ROCK2: variants seen among roughly 807,000 people sequenced by gnomAD.
The protein encoded by ROCK2 is rho-associated protein kinase 2.
A neutral mutation model predicts 195.1 loss-of-function variants in ROCK2; 61 were observed. The ratio of observed to expected loss-of-function variants is 0.31; its 90% confidence interval spans 0.25 to 0.39. ROCK2 has a LOEUF of 0.39. Ranked by LOEUF, ROCK2 falls within the 10% of genes least tolerant of loss-of-function variation. The pLI is 1.00. For missense variants in ROCK2, 1,109 were observed against 1,637.4 expected (o/e 0.68, Z 5.57); for synonymous variants, 504 against 545.5 (o/e 0.92, Z 1.06).
rs538136203 is a variant in ROCK2 at position 11,275,430 on chromosome 2, G to A, written c.324+11109C>T. 2.0e-5 allele frequency among the ~76,000 whole-genome samples: 3 copies of A among 152,260 alleles called. No homozygotes were observed. The South Asian group carries it at 6.2e-4, about 32-fold the overall frequency. On this transcript the variant is annotated intron_variant, in intron 3 of 32. Coordinates refer to ENST00000315872, the MANE Select transcript of ROCK2 (RefSeq NM_004850.5). ...GAAAGCAAAACTACAGGTAAGGGCA[G>A]GTGACTGTACGAGAAAACAACTATC...
chr2:11,300,230 T>C (rs1667662127), intron 1 of ROCK2, among the ~76,000 whole-genome samples: 1 of 152,170 alleles, frequency 6.6e-6, no homozygotes, highest in Admixed American at 6.5e-5. Flanking sequence ...TAATAATTTA[T>C]CAACCAATTT....
chr2:11,283,582 A>AAAAGAAAGAAAG (rs1667088915), intron 3 of ROCK2, among the ~76,000 whole-genome samples: 1 of 15,164 alleles, frequency 6.6e-5, no homozygotes. Flanking sequence ...AAAAAAAAAA[A>AAAAGAAAGAAAG]AAAGCAAGAA....
At chr2:11,231,649 T>A (rs886873927) in intron 5 of ROCK2, among the ~76,000 whole-genome samples, 2 of 152,154 alleles carry the variant, frequency 1.3e-5, no homozygotes, top group African/African-American at 4.8e-5. Flanking sequence ...CATATAAATA[T>A]CTTACAATGT....
intron 3 of ROCK2, among the ~76,000 whole-genome samples, chr2:11,262,242 TG>T (rs1666252942): frequency 6.6e-6 from 1 of 151,930 alleles, no homozygotes; most frequent in Admixed American, 6.6e-5. Context: ...GCTATACATA[TG>T]AAAAAAAACA....
chr2:11,283,942 C>T (rs1667103572), intron 3 of ROCK2, among the ~76,000 whole-genome samples: 1 of 152,178 alleles, frequency 6.6e-6, no homozygotes, highest in Non-Finnish European at 1.5e-5. Context: ...TTTATGTCTA[C>T]ACAAAAGCCT....
chr2:11,209,683 T>G (rs1664181584), intron 18 of ROCK2, among the ~76,000 whole-genome samples: 1 of 152,220 alleles, frequency 6.6e-6, no homozygotes, highest in Non-Finnish European at 1.5e-5. Context: ...ATTATCTTGA[T>G]ATACTGGTTA....
At chr2:11,228,524 C>T (rs558084675) in intron 5 of ROCK2, among the ~76,000 whole-genome samples, 40 of 152,134 alleles carry the variant, frequency 2.6e-4, no homozygotes, top group Middle Eastern at 6.8e-3. Context: ...ATGGGAGTAA[C>T]ACTTTGTGTG....
chr2:11,226,191 C>T (rs1664805086), intron 6 of ROCK2, among the ~76,000 whole-genome samples: 1 of 152,152 alleles, frequency 6.6e-6, no homozygotes, highest in African/African-American at 2.4e-5. Flanking sequence ...ACCCTCATCC[C>T]CATGCCACGT....
At position 11,198,494 on chromosome 2, in the gene ROCK2, A is replaced by G. The variant is rs764629719; in HGVS notation, c.3096T>C (p.Thr1032=). The G allele has an allele frequency of 1.9e-6, 3 of 1,590,834 alleles. No homozygotes were observed. The South Asian group carries it at 3.3e-5, about 18-fold the overall frequency. Residue 1032 remains threonine (T), a synonymous_variant, in exon 25 of 33, where the codon ACT becomes ACC. Coordinates refer to ENST00000315872, the MANE Select transcript of ROCK2 (RefSeq NM_004850.5). Reference sequence around the variant, plus strand: ...ATTTAGATTCTATTATACATACTTGAGTTTTGAGTGTTCTTTCTGTTAATA... The same window carrying G: ...ATTTAGATTCTATTATACATACTTGGGTTTTGAGTGTTCTTTCTGTTAATA... ...KQLLTERTLK[T]QAVNKLAEIM... is the part of the protein sequence containing the mutation.
At chr2:11,236,006 C>A (rs1415932262) in intron 4 of ROCK2, 44 bp from the exon 5 acceptor site, 2 of 1,433,540 alleles carry the variant, frequency 1.4e-6, no homozygotes, top group South Asian at 1.7e-5. Flanking sequence ...AAACCCAAAC[C>A]AAAAATCATA....
At chr2:11,227,936 G>A (rs1300777165) in intron 5 of ROCK2, among the ~76,000 whole-genome samples, 17 of 152,128 alleles carry the variant, frequency 1.1e-4, no homozygotes, top group Admixed American at 1.1e-3. Flanking sequence ...AAGTGTGAAA[G>A]CTATACTTCC....
chr2:11,345,017 G>C (rs1669256767), upstream of ROCK2, among the ~76,000 whole-genome samples: 1 of 150,394 alleles, frequency 6.6e-6, no homozygotes, highest in Non-Finnish European at 1.5e-5. Context: ...GCGCTGGGGG[G>C]GAGCCCGGCC....
At chr2:11,239,421 G>A (rs1665345625) in intron 4 of ROCK2, among the ~76,000 whole-genome samples, 1 of 152,130 alleles carries the variant, frequency 6.6e-6, no homozygotes, top group Non-Finnish European at 1.5e-5. Flanking sequence ...GTTAAGTGTT[G>A]ATGAGAATGC....
rs142442858 is a variant in ROCK2 at position 11,191,933 on chromosome 2, T to C, written c.4163+215A>G. Among the ~76,000 whole-genome samples the C allele has an allele frequency of 2.9e-3, 442 of 152,308 alleles. 1 individual carries two copies. Among genetic ancestry groups the C allele is most frequent in the African/African-American group, 4.7e-3 (197 of 41,574 alleles). On this transcript the variant is annotated intron_variant, in intron 32 of 32. Coordinates refer to ENST00000315872, the MANE Select transcript of ROCK2 (RefSeq NM_004850.5). ...TTTAAAGATTTTTGGTTGAATTTAC[T>C]GTATGTGTGTGATTTAGTAAGTAAG... is the stretch of plus-strand genomic sequence containing the variant.
intron 27 of ROCK2, among the ~76,000 whole-genome samples, chr2:11,196,846 G>T (rs1329715362): frequency 2.0e-5 from 3 of 152,188 alleles, no homozygotes; most frequent in Non-Finnish European, 4.4e-5. Context: ...TCCATAGTGT[G>T]TGACTGAGTG....
At position 11,197,212 on chromosome 2, in the gene ROCK2, G is replaced by A; in HGVS notation, c.3416C>T (p.Pro1139Leu). The change falls in exon 27 of 33, where the codon CCA becomes CTA. Residue 1139 changes from proline to leucine, a missense_variant. By Grantham distance (98) the Pro-to-Leu change is moderately conservative (BLOSUM62 -3). Transcript: ENST00000315872. This position sits in a 1 kb window ranked among gnomAD's most constrained non-coding sequence, Gnocchi z 4.9. ...GLDSSSIGSG[P>L]GDAEADDGFP... ...CCCATCATCTGCCTCAGCATCCCCT[G>A]GTCCACTGCCTATACTGGAACTATC... 1 of 1,609,592 alleles carries A rather than the reference G, an allele frequency of 6.2e-7. No homozygotes were observed. The highest frequency in any genetic ancestry group is 8.5e-7 in the Non-Finnish European group (1 of 1,178,524).
chr2:11,304,798 A>G (rs1166132949), intron 1 of ROCK2, among the ~76,000 whole-genome samples: 1 of 152,110 alleles, frequency 6.6e-6, no homozygotes, highest in African/African-American at 2.4e-5. Context: ...CACAACCGGT[A>G]CCCTACACAA....
intron 3 of ROCK2, among the ~76,000 whole-genome samples, chr2:11,274,759 G>C (rs558918814): frequency 6.6e-6 from 1 of 152,140 alleles, no homozygotes; most frequent in Non-Finnish European, 1.5e-5. Context: ...CTCATTCTAT[G>C]AGGCCAGCAT....
rs1268941346 is a variant in ROCK2 at position 11,183,268 on chromosome 2, T to C, written c.*169A>G. On this transcript the variant is annotated 3_prime_UTR_variant, in exon 33 of 33. Coordinates refer to ENST00000315872, the MANE Select transcript of ROCK2 (RefSeq NM_004850.5). ...CCTGTTGCTTCAAAGGAGCCCAGAT[T>C]TGTAATTTATATTACAGGGAAAAGG... is the stretch of plus-strand genomic sequence containing the variant. The C allele has an allele frequency of 2.9e-4, 151 of 523,894 alleles. No individual in the cohort carries two copies. Among genetic ancestry groups the C allele is most frequent in the South Asian group, 9.4e-5 (3 of 31,946 alleles). 32.5% of individuals were successfully genotyped at this position (523,894 alleles called of 1,614,324 possible). A position where few individuals can be genotyped will look rare whatever the true frequency, so the allele number is the denominator to read the frequency against.
Sources: gnomAD v4.1 joint callset for allele counts (sites outside exome capture counted in the v4.1 genomes callset) on GRCh38, gnomAD v4.1.1 for gene constraint, Gnocchi (gnomAD v3.1) non-coding constraint, MANE v1.5 for transcripts, NCBI Gene and HGNC (gene_info 2026-07-23, HGNC 2026-07-21) for gene names.